ZNRF2: variants seen among roughly 807,000 people sequenced by gnomAD.
The protein encoded by ZNRF2 is E3 ubiquitin-protein ligase ZNRF2.
In ZNRF2, 16 loss-of-function variants were observed where a neutral mutation model predicts 20.4. The ratio of observed to expected loss-of-function variants is 0.79; its 90% CI spans 0.53 to 1.19. The LOEUF is 1.19. Ranked by LOEUF, ZNRF2 falls within the 50% of genes most tolerant of loss-of-function variation. The pLI, the probability that ZNRF2 is intolerant of heterozygous loss-of-function variation, is 0.00. For missense variants in ZNRF2, 363 were observed against 332.4 expected (o/e 1.09, Z -0.72); for synonymous variants, 178 against 144.9 (o/e 1.23, Z -1.64).
chr7:30,285,104 C>T lies in ZNRF2; in HGVS notation c.-254C>T. ...TGCTGGAGCCAGCGAGGGGTGCCTGCAGCCGGGACCCCTTCCTCTCCGCGT... is the reference window on the plus strand; with the variant it reads ...TGCTGGAGCCAGCGAGGGGTGCCTGTAGCCGGGACCCCTTCCTCTCCGCGT... On this transcript the variant is annotated 5_prime_UTR_variant, in exon 1 of 5. Coordinates refer to ENST00000323037, the MANE Select transcript of ZNRF2 (RefSeq NM_147128.4). 2 of 415,802 alleles carry T rather than the reference C, an allele frequency of 4.8e-6. No homozygotes were observed. Among genetic ancestry groups the T allele is most frequent in the Non-Finnish European group, 4.7e-6 (1 of 211,860 alleles). The allele number at this position is 415,802 out of a possible 1,614,324, so 25.8% of individuals were successfully genotyped here. A position where few individuals can be genotyped will look rare whatever the true frequency, so the allele number is the denominator to read the frequency against.
Position 30,301,762 on chromosome 7 carries a change from A to G in ZNRF2, c.469+15936A>G, listed in dbSNP as rs549520964. Among the ~76,000 whole-genome samples the G allele has an allele frequency of 2.6e-5, 4 of 152,066 alleles. No homozygotes were observed. The South Asian group carries it at 8.3e-4, about 32-fold the overall frequency. Reference sequence around the variant, plus strand: ...TAGATTTGAATATACTAGAGCGGGCAAAAATCCCATTATAACAATCTCCGA... The same window carrying G: ...TAGATTTGAATATACTAGAGCGGGCGAAAATCCCATTATAACAATCTCCGA... On this transcript the variant is annotated intron_variant, in intron 1 of 4. Coordinates refer to ENST00000323037, the MANE Select transcript of ZNRF2 (RefSeq NM_147128.4).
chr7:30,314,588 A>G (rs996298862), intron 1 of ZNRF2, among the ~76,000 whole-genome samples: 1 of 152,106 alleles, frequency 6.6e-6, no homozygotes, highest in African/African-American at 2.4e-5. Flanking sequence ...ATAAAAGCAA[A>G]AAAGGGAAAA....
intron 2 of ZNRF2, among the ~76,000 whole-genome samples, chr7:30,355,099 C>G (rs1800016346): frequency 6.6e-6 from 1 of 152,100 alleles, no homozygotes; most frequent in South Asian, 2.1e-4. Flanking sequence ...GGAAGCCACT[C>G]TAATTAATGC....
chr7:30,332,526 C>T (rs760110002), intron 2 of ZNRF2, among the ~76,000 whole-genome samples: 15 of 152,166 alleles, frequency 9.9e-5, no homozygotes, highest in Non-Finnish European at 1.9e-4. Flanking sequence ...CCCCCTCCCT[C>T]TCTTCCCACT....
chr7:30,286,226 G>C (rs949447728), intron 1 of ZNRF2, among the ~76,000 whole-genome samples: 64 of 152,252 alleles, frequency 4.2e-4, no homozygotes, highest in African/African-American at 1.5e-3. Flanking sequence ...ACTCGAGTGG[G>C]GAACAGTTTT....
chr7:30,338,423 G>GT (rs1799748788), intron 2 of ZNRF2, among the ~76,000 whole-genome samples: 1 of 36,084 alleles, frequency 2.8e-5, no homozygotes, highest in African/African-American at 9.1e-5. Context: ...CCCTCCCCTA[G>GT]CCCCCCCCCA....
chr7:30,285,739 C>G lies in ZNRF2; in HGVS notation c.382C>G (p.Arg128Gly). 1 of 1,470,968 alleles carries G rather than the reference C, an allele frequency of 6.8e-7. No individual in the cohort carries two copies. The highest frequency in any genetic ancestry group is 9.0e-7 in the Non-Finnish European group (1 of 1,116,814). The allele number at this position is 1,470,968 out of a possible 1,614,324, so 91.1% of individuals were successfully genotyped here. ...HSSPEDGGGGRDRPVGGSPGG... is the reference protein window; with the variant it reads ...HSSPEDGGGGGDRPVGGSPGG... ...CAGCCCTGAGGACGGCGGCGGCGGC[C>G]GGGACCGGCCGGTGGGCGGGAGCCC... Residue 128 changes from arginine to glycine, a missense_variant, in exon 1 of 5, where the codon CGG becomes GGG. Arg to Gly is a moderately radical substitution (Grantham distance 125). Coordinates refer to ENST00000323037, the MANE Select transcript of ZNRF2 (RefSeq NM_147128.4).
At chr7:30,343,270 G>A (rs771981048) in intron 2 of ZNRF2, among the ~76,000 whole-genome samples, 6 of 151,916 alleles carry the variant, frequency 3.9e-5, no homozygotes, top group Non-Finnish European at 5.9e-5. Flanking sequence ...AGCTATAATC[G>A]CACCACTACA....
intron 1 of ZNRF2, among the ~76,000 whole-genome samples, chr7:30,286,975 A>G (rs1422648955): frequency 6.6e-6 from 1 of 152,238 alleles, no homozygotes; most frequent in Non-Finnish European, 1.5e-5. Context: ...ATCAGCACAC[A>G]CGCCAGCATA....
intron 1 of ZNRF2, chr7:30,290,033 T>C: frequency 2.4e-6 from 1 of 422,258 alleles, no homozygotes; most frequent in East Asian, 7.0e-5. Flanking sequence ...ATTAAACTTA[T>C]TACATGTAGT....
At chr7:30,362,290 A>G (rs546718603) in intron 3 of ZNRF2, 87 bp from the exon 4 acceptor site, 108 of 857,954 alleles carry the variant, frequency 1.3e-4, no homozygotes, top group Middle Eastern at 7.2e-4. Context: ...TAAAAAATAT[A>G]TTAAAGTCAA....
chr7:30,326,347 C>G (rs1051851511), intron 2 of ZNRF2, among the ~76,000 whole-genome samples: 1 of 152,298 alleles, frequency 6.6e-6, no homozygotes, highest in Non-Finnish European at 1.5e-5. Flanking sequence ...TCCATGTGCT[C>G]TCATCATTTA....
intron 2 of ZNRF2, among the ~76,000 whole-genome samples, chr7:30,326,008 T>C (rs542376628): frequency 6.6e-6 from 1 of 152,304 alleles, no homozygotes; most frequent in South Asian, 2.1e-4. Flanking sequence ...CTTCTGGCTT[T>C]CAATTTGAAA....
rs113457321 is a variant in ZNRF2, at chr7:30,301,402, A to G, written c.469+15576A>G. ...GGAGGCTGAGGCAGGAGAATCGCTT[A>G]AACCCGGGTGGTGGAGGTTGCAGTG... On this transcript the variant is annotated intron_variant, in intron 1 of 4. Transcript: ENST00000323037. 4.2e-3 allele frequency among the ~76,000 whole-genome samples: 639 copies of G among 152,110 alleles called. 3 individuals carry two copies. The highest frequency in any genetic ancestry group is 0.015 in the African/African-American group (605 of 41,516).
At chr7:30,335,841 C>T (rs1040869507) in intron 2 of ZNRF2, among the ~76,000 whole-genome samples, 14 of 152,112 alleles carry the variant, frequency 9.2e-5, no homozygotes, top group South Asian at 4.2e-4. Context: ...AAGACTAGTT[C>T]GGAGATTGGT....
chr7:30,292,349 A>G (rs1798926506), intron 1 of ZNRF2, among the ~76,000 whole-genome samples: 1 of 152,182 alleles, frequency 6.6e-6, no homozygotes, highest in African/African-American at 2.4e-5. Flanking sequence ...ATTTTTTATA[A>G]CATGATTTTT....
chr7:30,346,162 TA>T (rs1476583608), intron 2 of ZNRF2, among the ~76,000 whole-genome samples: 1 of 147,536 alleles, frequency 6.8e-6, no homozygotes, highest in Non-Finnish European at 1.5e-5. Flanking sequence ...TTTTTTCTGT[TA>T]AGTCTGATTT....
At chr7:30,323,984 C>T (rs1257559716) in intron 2 of ZNRF2, among the ~76,000 whole-genome samples, 1 of 152,068 alleles carries the variant, frequency 6.6e-6, no homozygotes, top group Non-Finnish European at 1.5e-5. Flanking sequence ...TAAATTAAAA[C>T]AGAATTTATA....
chr7:30,364,645 C>G (rs1800181396), intron 4 of ZNRF2, among the ~76,000 whole-genome samples: 2 of 152,066 alleles, frequency 1.3e-5, no homozygotes, highest in Admixed American at 1.3e-4. Context: ...CAAAACGAAA[C>G]TGTGGCTAAA....
Sources: allele counts gnomAD v4.1 joint callset (sites outside exome capture counted in the v4.1 genomes callset), GRCh38; gene constraint gnomAD v4.1.1; transcripts MANE v1.5; gene names NCBI Gene and HGNC (gene_info 2026-07-23, HGNC 2026-07-21).